ITGBL1: variants seen among roughly 807,000 people sequenced by gnomAD.
ITGBL1 encodes the protein integrin subunit beta like 1, also known as integrin beta-like protein 1.
In ITGBL1, 51 loss-of-function variants were observed where a neutral mutation model predicts 68.5. The observed-to-expected ratio is 0.74, with a 90% CI of 0.59 to 0.94. The LOEUF (loss-of-function observed/expected upper bound fraction) is 0.94, where lower values mean the gene tolerates loss of function less well. ITGBL1 is among the 40% of genes least tolerant of loss of function. ITGBL1 has a pLI of 0.00. For synonymous variants in ITGBL1, 209 were observed against 227.3 expected, an observed-to-expected ratio of 0.92 and a Z score of 0.72; for missense variants, 649 against 647.4, an observed-to-expected ratio of 1.00 and a Z score of -0.03.
chr13:101,604,887 T>TGTATATATATATATACACACACAC (rs1555361661), intron 7 of ITGBL1, among the ~76,000 whole-genome samples: 2 of 22,164 alleles, frequency 9.0e-5, no homozygotes, highest in African/African-American at 3.0e-4. Context: ...TATATATATA[T>TGTATATATATATATACACACACAC]ACACACACAC....
At chr13:101,564,193 T>C (rs2050144496) in intron 2 of ITGBL1, among the ~76,000 whole-genome samples, 1 of 151,948 alleles carries the variant, frequency 6.6e-6, no homozygotes, top group Admixed American at 6.6e-5. Flanking sequence ...TGAAATAATT[T>C]TTTAAAAAGA....
At position 101,575,391 on chromosome 13, in the gene ITGBL1, TAACA is replaced by T. The variant is rs985122067; in HGVS notation, c.464-28_464-25del. 1.3e-5 allele frequency: 20 copies of T among 1,598,736 alleles called. No homozygotes were observed. In the African/African-American group the frequency reaches 1.3e-4, roughly 11 times the overall value. ...CATTAATTATAATTTTATGTGCATG[TAACA>T]AACAGTCTTTTTTGTTTTCATGGTT... On this transcript the variant is annotated intron_variant, in intron 3 of 10. Transcript: ENST00000376180.
chr13:101,597,618 C>A (rs1368871699), intron 6 of ITGBL1, among the ~76,000 whole-genome samples: 1 of 151,754 alleles, frequency 6.6e-6, no homozygotes, highest in Non-Finnish European at 1.5e-5. Context: ...GTGGCATGAA[C>A]TTGGCTTGCT....
At chr13:101,554,458 T>A (rs2049973140) in intron 2 of ITGBL1, among the ~76,000 whole-genome samples, 1 of 152,220 alleles carries the variant, frequency 6.6e-6, no homozygotes, top group African/African-American at 2.4e-5. Flanking sequence ...GTATTTGCCA[T>A]GTGGTCAATG....
At chr13:101,453,573 G>C (rs2048193405) in intron 1 of ITGBL1, among the ~76,000 whole-genome samples, 1 of 152,216 alleles carries the variant, frequency 6.6e-6, no homozygotes, top group African/African-American at 2.4e-5. Context: ...ATAAGATTTA[G>C]TGATAAACTA....
At chr13:101,516,798 C>G (rs983440907) in intron 2 of ITGBL1, among the ~76,000 whole-genome samples, 2 of 152,160 alleles carry the variant, frequency 1.3e-5, no homozygotes, top group African/African-American at 4.8e-5. Flanking sequence ...TATGTTCACA[C>G]ACTTCCATGT....
At chr13:101,507,139 T>G (rs1368109086) in intron 2 of ITGBL1, among the ~76,000 whole-genome samples, 1 of 152,172 alleles carries the variant, frequency 6.6e-6, no homozygotes, top group African/African-American at 2.4e-5. Flanking sequence ...AAGTCAACCC[T>G]TTTCCTTGCA....
intron 2 of ITGBL1, among the ~76,000 whole-genome samples, chr13:101,556,449 C>T (rs543623789): frequency 5.9e-5 from 9 of 152,078 alleles, no homozygotes; most frequent in East Asian, 3.9e-4. Context: ...CCAGCCTGAC[C>T]AACATGGAGA....
At chr13:101,587,192 A>T (rs2050572231) in intron 6 of ITGBL1, among the ~76,000 whole-genome samples, 1 of 152,200 alleles carries the variant, frequency 6.6e-6, no homozygotes, top group Admixed American at 6.5e-5. Flanking sequence ...CTGTTCAATA[A>T]TGCATTTAAA....
At chr13:101,455,103 C>CTGT in intron 2 of ITGBL1, among the ~76,000 whole-genome samples, 1 of 152,152 alleles carries the variant, frequency 6.6e-6, no homozygotes. Flanking sequence ...GCATTCCAGC[C>CTGT]AGGGTTTGGC....
At chr13:101,576,514 T>G (rs1433184804) in intron 4 of ITGBL1, among the ~76,000 whole-genome samples, 2 of 152,184 alleles carry the variant, frequency 1.3e-5, no homozygotes, top group African/African-American at 4.8e-5. Context: ...CACTCCTATC[T>G]CATGGGATTC....
chr13:101,705,520 T>C (rs1356569847), intron 8 of ITGBL1, among the ~76,000 whole-genome samples: 1 of 152,096 alleles, frequency 6.6e-6, no homozygotes, highest in Non-Finnish European at 1.5e-5. Context: ...TCTGCACACG[T>C]TCATGCTCTC....
intron 2 of ITGBL1, among the ~76,000 whole-genome samples, chr13:101,483,949 G>T (rs530643250): frequency 1.3e-5 from 2 of 152,202 alleles, no homozygotes; most frequent in African/African-American, 4.8e-5. Context: ...CTCAGATATG[G>T]CAGATATTCC....
intron 7 of ITGBL1, among the ~76,000 whole-genome samples, chr13:101,600,061 A>G (rs967532647): frequency 1.3e-5 from 2 of 152,108 alleles, no homozygotes; most frequent in Admixed American, 6.6e-5. Flanking sequence ...GATTCTTCCT[A>G]TCCATGAGCA....
chr13:101,586,387 C>G (rs1020636592), intron 6 of ITGBL1, among the ~76,000 whole-genome samples: 1 of 152,172 alleles, frequency 6.6e-6, no homozygotes, highest in African/African-American at 2.4e-5. Flanking sequence ...CAGCTTTCCA[C>G]AGCTTGGCTC....
rs2034275796 is a variant in ITGBL1 at position 101,706,863 on chromosome 13, CTG to C, written c.1245_1246del (p.Cys415Ter). 6.2e-7 allele frequency: 1 copy of C among 1,614,146 alleles called. No homozygotes were observed. Among genetic ancestry groups the C allele is most frequent in the Non-Finnish European group, 8.5e-7 (1 of 1,180,022 alleles). On this transcript the variant is annotated frameshift_variant, in exon 9 of 11. Coordinates refer to ENST00000376180, the MANE Select transcript of ITGBL1 (RefSeq NM_004791.3). LOFTEE classifies it high-confidence loss of function. ...CATGACGGAAGAACAAAGCAAGAAT[CTG>C]TGTGAATCAGCAGATGGCATATTGT... Reference protein sequence around the residue: ...CNMTEEQSKNLCESADGILCS... With the variant: ...CNMTEEQSKNXCESADGILCS...
intron 7 of ITGBL1, among the ~76,000 whole-genome samples, chr13:101,623,402 A>G (rs2031661645): frequency 6.6e-6 from 1 of 152,170 alleles, no homozygotes; most frequent in South Asian, 2.1e-4. Context: ...ATCTTTGTGT[A>G]CTGAAATTAG....
At chr13:101,703,413 G>A (rs539751986) in intron 8 of ITGBL1, among the ~76,000 whole-genome samples, 14 of 152,298 alleles carry the variant, frequency 9.2e-5, no homozygotes, top group Middle Eastern at 3.4e-3. Flanking sequence ...AAAGGGAGAA[G>A]AGAAGGAATA....
At chr13:101,677,745 T>C (rs778223700) in intron 7 of ITGBL1, among the ~76,000 whole-genome samples, 30 of 152,192 alleles carry the variant, frequency 2.0e-4, no homozygotes, top group Non-Finnish European at 3.7e-4. Context: ...AACTCTTACT[T>C]ATTAATCCTG....
Sources: allele counts gnomAD v4.1 joint callset (sites outside exome capture counted in the v4.1 genomes callset), GRCh38; gene constraint gnomAD v4.1.1; transcripts MANE v1.5; gene names NCBI Gene and HGNC (gene_info 2026-07-23, HGNC 2026-07-21).